Variants in CDH18 observed in about 807,000 individuals in gnomAD.
CDH18 encodes the protein cadherin 18, also known as cadherin-18.
Under a neutral mutation model 67.9 loss-of-function variants are expected in CDH18, and 31 were observed. That is an observed-to-expected ratio of 0.46 (90% confidence interval 0.34 to 0.62). The LOEUF (loss-of-function observed/expected upper bound fraction) is 0.62. CDH18 is among the 20% of genes least tolerant of loss of function. CDH18 has a pLI of 0.01. For synonymous variants in CDH18, 362 were observed against 347.2 expected, an observed-to-expected ratio of 1.04 and a Z score of -0.48; for missense variants, 890 against 975.5, an observed-to-expected ratio of 0.91 and a Z score of 1.17.
intron 2 of CDH18, among the ~76,000 whole-genome samples, chr5:19,858,260 G>A (rs1015455494): frequency 6.6e-6 from 1 of 152,082 alleles, no homozygotes; most frequent in Admixed American, 6.6e-5. Context: ...TAAAGACCTG[G>A]AATCAATAGA....
chr5:20,468,380 C>T (rs572480637), intron 1 of CDH18, among the ~76,000 whole-genome samples: 22 of 152,146 alleles, frequency 1.4e-4, no homozygotes, highest in Non-Finnish European at 2.8e-4. Flanking sequence ...AAGGATGCCA[C>T]GCTGGCATCT....
At chr5:19,785,680 ATATATATATATATATATATATAT>A (rs1305284571) in intron 3 of CDH18, among the ~76,000 whole-genome samples, 22 of 13,164 alleles carry the variant, frequency 1.7e-3, no homozygotes, top group African/African-American at 2.3e-3. Context: ...AAAAAAAAAA[ATATATATATATATATATATATAT>A]ATATATATAT....
intron 2 of CDH18, among the ~76,000 whole-genome samples, chr5:20,077,381 C>T (rs952098182): frequency 6.6e-6 from 1 of 152,132 alleles, no homozygotes; most frequent in Admixed American, 6.5e-5. Context: ...TTCAGCTGAA[C>T]AAGATTGATG....
chr5:20,455,120 C>T (rs549338654), intron 1 of CDH18, among the ~76,000 whole-genome samples: 2 of 151,236 alleles, frequency 1.3e-5, no homozygotes, highest in Non-Finnish European at 2.9e-5. Context: ...GCAACACAAA[C>T]AATGACTGGC....
At chr5:19,536,809 C>T (rs1378179016) in intron 9 of CDH18, among the ~76,000 whole-genome samples, 1 of 152,136 alleles carries the variant, frequency 6.6e-6, no homozygotes, top group Non-Finnish European at 1.5e-5. Context: ...CCATGGAACA[C>T]ACTTTGAGAG....
chr5:19,721,224 A>T (rs1460712155), intron 5 of CDH18, 123 bp downstream of exon 5: 2 of 873,186 alleles, frequency 2.3e-6, no homozygotes, highest in Non-Finnish European at 3.4e-6. Flanking sequence ...AAAAGTGAGG[A>T]TATGTTTAAA....
chr5:20,292,069 G>C (rs1401642966), intron 1 of CDH18, among the ~76,000 whole-genome samples: 1 of 152,152 alleles, frequency 6.6e-6, no homozygotes, highest in South Asian at 2.1e-4. Context: ...GAGCACACCT[G>C]GGTCAGTAAT....
At chr5:20,404,924 G>A (rs115836910) in intron 1 of CDH18, among the ~76,000 whole-genome samples, 1,712 of 152,174 alleles carry the variant, frequency 0.011, 15 homozygotes, top group South Asian at 0.028. Context: ...AAGTCCTGCT[G>A]CACACGGAAG....
intron 7 of CDH18, among the ~76,000 whole-genome samples, chr5:19,576,259 C>G (rs1197293715): frequency 1.3e-5 from 2 of 151,964 alleles, no homozygotes; most frequent in Non-Finnish European, 2.9e-5. Context: ...AATGATCAAA[C>G]TAAAGAGCTT....
intron 2 of CDH18, among the ~76,000 whole-genome samples, chr5:19,917,665 G>C (rs984937370): frequency 4.6e-5 from 7 of 152,264 alleles, no homozygotes; most frequent in African/African-American, 1.7e-4. Flanking sequence ...AATGGATGCA[G>C]ATGCACAGTA....
chr5:19,482,009 C>A (rs575573951), intron 12 of CDH18, among the ~76,000 whole-genome samples: 5 of 151,836 alleles, frequency 3.3e-5, no homozygotes, highest in Admixed American at 6.6e-5. Context: ...GCTCTTCATG[C>A]GGCTGTGAAA....
intron 3 of CDH18, among the ~76,000 whole-genome samples, chr5:19,800,554 C>A (rs555170696): frequency 6.6e-6 from 1 of 151,536 alleles, no homozygotes; most frequent in Admixed American, 6.6e-5. Context: ...TTAATGAGGA[C>A]AAGAATAAAT....
intron 2 of CDH18, among the ~76,000 whole-genome samples, chr5:20,029,826 G>A (rs1490475019): frequency 6.6e-6 from 1 of 152,124 alleles, no homozygotes; most frequent in Non-Finnish European, 1.5e-5. Context: ...CTATATATAA[G>A]AAGCAAATGG....
At chr5:19,689,675 A>G (rs1761588545) in intron 5 of CDH18, among the ~76,000 whole-genome samples, 1 of 151,926 alleles carries the variant, frequency 6.6e-6, no homozygotes, top group South Asian at 2.1e-4. Flanking sequence ...CACCAAACCA[A>G]AATGATACAC....
chr5:19,975,239 A>T (rs562032256), intron 2 of CDH18, among the ~76,000 whole-genome samples: 1 of 152,148 alleles, frequency 6.6e-6, no homozygotes, highest in Non-Finnish European at 1.5e-5. Context: ...ATGTCTCCAC[A>T]TCGTACTTAA....
At chr5:19,936,692 G>T (rs559526037) in intron 2 of CDH18, among the ~76,000 whole-genome samples, 69 of 151,030 alleles carry the variant, frequency 4.6e-4, no homozygotes, top group African/African-American at 1.6e-3. Context: ...AAAATGTTGA[G>T]ATTCTGAATA....
At chr5:20,046,870 T>A (rs1445650512) in intron 2 of CDH18, among the ~76,000 whole-genome samples, 1 of 151,718 alleles carries the variant, frequency 6.6e-6, no homozygotes, top group Non-Finnish European at 1.5e-5. Context: ...GAAGGGAAAG[T>A]ATACAGAACA....
intron 2 of CDH18, among the ~76,000 whole-genome samples, chr5:20,048,289 C>T (rs115882739): frequency 2.6e-5 from 4 of 151,588 alleles, no homozygotes; most frequent in East Asian, 1.9e-4. Context: ...ATGCACTCAA[C>T]GTGCTTACAC....
intron 1 of CDH18, among the ~76,000 whole-genome samples, chr5:20,334,875 A>T (rs528116640): frequency 1.3e-5 from 2 of 151,992 alleles, no homozygotes; most frequent in Non-Finnish European, 2.9e-5. Context: ...TTCTCTCAAC[A>T]TGCTTAGATC....
Sources: gnomAD v4.1 joint callset for allele counts (sites outside exome capture counted in the v4.1 genomes callset) on GRCh38, gnomAD v4.1.1 for gene constraint, MANE v1.5 for transcripts, NCBI Gene and HGNC (gene_info 2026-07-23, HGNC 2026-07-21) for gene names.